CELF2: variants seen among roughly 807,000 people sequenced by gnomAD.
The protein encoded by CELF2 is CUGBP Elav-like family member 2, also known as CUG triplet repeat RNA-binding protein 2.
In CELF2, 8 loss-of-function variants were observed where a neutral mutation model predicts 62.6. That is an observed-to-expected ratio of 0.13 (90% CI 0.07 to 0.23). The LOEUF is 0.23. CELF2 is among the 10% of genes least tolerant of loss of function. The pLI, the probability that CELF2 is intolerant of heterozygous loss-of-function variation, is 1.00. For missense variants in CELF2, 333 were observed against 671.0 expected, an observed-to-expected ratio of 0.50 and a Z score of 5.56; for synonymous variants, 258 against 250.0, an observed-to-expected ratio of 1.03 and a Z score of -0.30.
chr10:10,939,389 G>C (rs942767044), intron 2 of CELF2, among the ~76,000 whole-genome samples: 3 of 152,032 alleles, frequency 2.0e-5, no homozygotes, highest in Middle Eastern at 3.2e-3. Context: ...GGGTTCGAGC[G>C]ATTCTCTTGC....
chr10:10,891,871 A>G (rs1418314853), intron 1 of CELF2, among the ~76,000 whole-genome samples: 2 of 152,164 alleles, frequency 1.3e-5, no homozygotes, highest in Non-Finnish European at 2.9e-5. Context: ...TGGGCTGTCA[A>G]TCCTCGCAGG....
In CELF2 at chr10:11,331,459, T is replaced by C. The variant is rs200456773; in HGVS notation, c.*2406T>C. On this transcript the variant is annotated 3_prime_UTR_variant, in exon 13 of 13. Transcript: ENST00000633077. ...GTTTGTGTTCAGCAAAATGTGATGT[T>C]TTTTTCTTTTAAAGAAAAAAAGTGA... The C allele has an allele frequency of 3.4e-5, 4 of 118,780 alleles. No individual in the cohort carries two copies. Among genetic ancestry groups the C allele is most frequent in the African/African-American group, 9.4e-5 (3 of 31,858 alleles). The allele number at this position is 118,780 out of a possible 1,614,324, so 7.4% of individuals were successfully genotyped here.
rs978527906 is a variant in CELF2, at chr10:11,300,204, T to C, written c.976+11652T>C. ...AAGGAGTGGAAACAGGACAGCTGCT[T>C]TGGACGTGAGGAGCAGGTGCTGGCC... On this transcript the variant is annotated intron_variant, in intron 9 of 12. Coordinates refer to ENST00000633077, the MANE Select transcript of CELF2 (RefSeq NM_001326342.2). The surrounding 1 kb of genome is among the most constrained non-coding windows in gnomAD (Gnocchi z 5.5). 1.3e-5 allele frequency among the ~76,000 whole-genome samples: 2 copies of C among 152,210 alleles called. No homozygotes were observed. Among genetic ancestry groups the C allele is most frequent in the Non-Finnish European group, 1.5e-5 (1 of 68,036 alleles).
At position 11,207,258 on chromosome 10, in the gene CELF2, A is replaced by G. The variant is rs1021419616; in HGVS notation, c.272-10167A>G. 6.6e-6 allele frequency among the ~76,000 whole-genome samples: 1 copy of G among 152,226 alleles called. No homozygotes were observed. ...GATTTAATCTAGGTCAAAAGGAAAGAAAGAAACTCCATTTTCCTCGCAGAA... is the reference window on the plus strand; with the variant it reads ...GATTTAATCTAGGTCAAAAGGAAAGGAAGAAACTCCATTTTCCTCGCAGAA... On this transcript the variant is annotated intron_variant, in intron 2 of 12. Coordinates refer to ENST00000633077, the MANE Select transcript of CELF2 (RefSeq NM_001326342.2). The surrounding 1 kb of genome is among the most constrained non-coding windows in gnomAD (Gnocchi z 4.1).
chr10:10,759,947 A>G, the CELF2 span, among the ~76,000 whole-genome samples: 4 of 151,990 alleles, frequency 2.6e-5, no homozygotes, highest in South Asian at 6.2e-4. Flanking sequence ...CTCTTGTTAC[A>G]CAGGCTGGAG....
At chr10:11,134,939 C>G (rs1286075781) in intron 1 of CELF2, among the ~76,000 whole-genome samples, 1 of 152,198 alleles carries the variant, frequency 6.6e-6, no homozygotes, top group African/African-American at 2.4e-5. Flanking sequence ...GAGAAAATAT[C>G]CCCTACCTTG....
At chr10:11,138,132 T>G (rs2060732915) in intron 1 of CELF2, among the ~76,000 whole-genome samples, 1 of 152,026 alleles carries the variant, frequency 6.6e-6, no homozygotes, top group South Asian at 2.1e-4. Context: ...TAAACAAAAT[T>G]AGCACAATGT....
chr10:10,927,334 A>T (rs1427125084), intron 2 of CELF2: 1 of 126,720 alleles, frequency 7.9e-6, no homozygotes, highest in East Asian at 2.4e-4. Flanking sequence ...TCAAAGGAGA[A>T]CCTAGTGACA....
chr10:10,812,182 G>A (rs755574534), intron 1 of CELF2, among the ~76,000 whole-genome samples: 4 of 152,262 alleles, frequency 2.6e-5, no homozygotes, highest in Non-Finnish European at 4.4e-5. Flanking sequence ...GGCTGGGAAG[G>A]CCTCACAATC....
chr10:10,811,842 C>A (rs766242226), intron 1 of CELF2, among the ~76,000 whole-genome samples: 1 of 152,106 alleles, frequency 6.6e-6, no homozygotes, highest in Non-Finnish European at 1.5e-5. Flanking sequence ...GTTTTTATAG[C>A]TCAAGGTGGA....
At chr10:11,257,356 A>C (rs1037149077) in intron 4 of CELF2, among the ~76,000 whole-genome samples, 1 of 145,926 alleles carries the variant, frequency 6.9e-6, no homozygotes, top group Non-Finnish European at 1.5e-5. Flanking sequence ...AAAAAAAAAA[A>C]CAGAATAAAA....
the CELF2 span, among the ~76,000 whole-genome samples, chr10:10,631,418 T>C: frequency 1.3e-5 from 2 of 152,290 alleles, no homozygotes; most frequent in African/African-American, 4.8e-5. Flanking sequence ...AAGCTTTCTC[T>C]AGAGGTCATG....
In CELF2 at chr10:10,995,649, A is replaced by G. The variant is rs188141898; in HGVS notation, c.89+75650A>G. Among the ~76,000 whole-genome samples, 3 of 152,282 alleles carry G rather than the reference A, an allele frequency of 2.0e-5. No homozygotes were observed. The East Asian group carries it at 5.8e-4, about 29-fold the overall frequency. On this transcript the variant is annotated intron_variant, in intron 2 of 13. Coordinates refer to the CELF2 transcript ENST00000636488. This position sits in a 1 kb window ranked among gnomAD's most constrained non-coding sequence, Gnocchi z 4.7. The stretch of plus-strand genomic sequence containing the variant: ...CATCTTAGGGTAGGGGACACCTTCA[A>G]AGAGTTGTAAGCGGGAGACAGCTAT...
chr10:10,856,440 TAAAGA>T (rs2059711942), intron 1 of CELF2, among the ~76,000 whole-genome samples: 1 of 152,198 alleles, frequency 6.6e-6, no homozygotes, highest in Non-Finnish European at 1.5e-5. Context: ...ATCAAATATT[TAAAGA>T]CTTGTAATTT....
intron 2 of CELF2, among the ~76,000 whole-genome samples, chr10:10,950,999 A>G (rs2048257553): frequency 6.6e-6 from 1 of 152,200 alleles, no homozygotes; most frequent in African/African-American, 2.4e-5. Flanking sequence ...GGACTGTGGT[A>G]ACTCATGAAA....
chr10:10,857,313 A>G (rs2059773537), intron 1 of CELF2, among the ~76,000 whole-genome samples: 1 of 152,134 alleles, frequency 6.6e-6, no homozygotes, highest in East Asian at 1.9e-4. Flanking sequence ...TTCATTTCCA[A>G]CCAGATGCAG....
chr10:10,542,571 T>G, the CELF2 span, among the ~76,000 whole-genome samples: 118 of 152,312 alleles, frequency 7.7e-4, 1 homozygote, highest in East Asian at 0.018. Context: ...GTGTCCTGAT[T>G]GGAGGCTGTT....
chr10:10,531,755 T>A, the CELF2 span, among the ~76,000 whole-genome samples: 3 of 152,190 alleles, frequency 2.0e-5, no homozygotes, highest in African/African-American at 7.2e-5. Flanking sequence ...GAATTAATCA[T>A]CTCTACTAAA....
rs141953980 is a variant in CELF2, at chr10:11,120,898, C to A, written c.75-44588C>A. On this transcript the variant is annotated intron_variant, in intron 1 of 12. Transcript: ENST00000633077. ...GTGCTCCTGCCTGAAGCTTGGAGTCCTTGAAGTGCAGAATTACTGCAGGTG... is the reference window on the plus strand; with the variant it reads ...GTGCTCCTGCCTGAAGCTTGGAGTCATTGAAGTGCAGAATTACTGCAGGTG... Among the ~76,000 whole-genome samples, 577 of 152,278 alleles carry A rather than the reference C, an allele frequency of 3.8e-3. 11 individuals carry two copies. Among genetic ancestry groups the A allele is most frequent in the Admixed American group, 0.033 (505 of 15,294 alleles).
Sources: allele counts gnomAD v4.1 joint callset (sites outside exome capture counted in the v4.1 genomes callset), GRCh38; gene constraint gnomAD v4.1.1; non-coding constraint Gnocchi (gnomAD v3.1); transcripts MANE v1.5; gene names NCBI Gene and HGNC (gene_info 2026-07-23, HGNC 2026-07-21).